The following KCNU1 variants were observed in gnomAD, a reference collection of about 807,000 sequenced individuals.
KCNU1 encodes the protein potassium channel subfamily U member 1.
Under a neutral mutation model 126.8 loss-of-function variants are expected in KCNU1, and 93 were observed. That is an observed-to-expected ratio of 0.73 (90% CI 0.62 to 0.87). The LOEUF is 0.87. Among genes scored for constraint, KCNU1 ranks in the 40% least tolerant of loss-of-function variants. The pLI, the probability that KCNU1 is intolerant of heterozygous loss-of-function variation, is 0.00. For synonymous variants in KCNU1, 523 were observed against 494.2 expected (o/e 1.06, Z -0.77); for missense variants, 1,330 against 1,367.1 (o/e 0.97, Z 0.43).
At position 36,905,792 on chromosome 8, in the gene KCNU1, C is replaced by G. The variant is rs200292779; in HGVS notation, c.2094C>G (p.Asp698Glu). ...MFHWCKPTSL[D>E]KVTLKRTGKS... is the part of the protein sequence containing the mutation. ...ACTGGTGCAAACCAACCTCTTTGGA[C>G]AAGGTGACTCTGGTAGGTGATCTTG... The change falls in exon 20 of 27, where the codon GAC becomes GAG. Residue 698 changes from aspartate to glutamate, a missense_variant. Asp to Glu is a conservative substitution (Grantham distance 45). Transcript: ENST00000399881. The G allele has an allele frequency of 1.0e-4, 158 of 1,536,660 alleles. No individual in the cohort carries two copies. Among genetic ancestry groups the G allele is most frequent in the Non-Finnish European group, 1.3e-4 (141 of 1,123,152 alleles).
At chr8:36,829,301 T>C (rs2130526285) in intron 10 of KCNU1, among the ~76,000 whole-genome samples, 1 of 152,128 alleles carries the variant, frequency 6.6e-6, no homozygotes, top group South Asian at 2.1e-4. Context: ...ATATTTTCTA[T>C]TATATTAAAG....
chr8:36,790,739 A>G (rs1198217145), intron 2 of KCNU1, among the ~76,000 whole-genome samples: 1 of 152,114 alleles, frequency 6.6e-6, no homozygotes, highest in Non-Finnish European at 1.5e-5. Context: ...GACTTGGATG[A>G]TTTCAAGGAC....
intron 2 of KCNU1, among the ~76,000 whole-genome samples, chr8:36,797,424 T>C (rs1413692298): frequency 6.6e-6 from 1 of 152,198 alleles, no homozygotes. Flanking sequence ...GCCCTATATT[T>C]CTCTGTGTAT....
intron 20 of KCNU1, 65 bp from the exon 21 acceptor site, chr8:36,909,246 G>T: frequency 1.1e-6 from 1 of 944,640 alleles, no homozygotes; most frequent in East Asian, 2.4e-5. Context: ...AGAAGAGGGG[G>T]CCTACTTGGA....
chr8:36,820,974 A>G (rs1037787873), intron 10 of KCNU1, among the ~76,000 whole-genome samples: 2 of 152,360 alleles, frequency 1.3e-5, no homozygotes, highest in South Asian at 2.1e-4. Context: ...AAAGCATGAC[A>G]TGAACCTGAA....
chr8:36,844,042 G>A (rs911347076), intron 16 of KCNU1, among the ~76,000 whole-genome samples: 14 of 152,082 alleles, frequency 9.2e-5, no homozygotes, highest in Non-Finnish European at 1.9e-4. Context: ...TTCATAGCTA[G>A]ATATTTAATA....
chr8:36,936,084 G>A lies in KCNU1; in HGVS notation c.*164G>A. ...GTTTTGGGTGAGACAAAAGTCTAATGCCACTGGATCTTGTGTGATAAATAA... is the reference window on the plus strand; with the variant it reads ...GTTTTGGGTGAGACAAAAGTCTAATACCACTGGATCTTGTGTGATAAATAA... On this transcript the variant is annotated 3_prime_UTR_variant, in exon 27 of 27. Coordinates refer to ENST00000399881, the MANE Select transcript of KCNU1 (RefSeq NM_001031836.3). 4 of 539,038 alleles carry A rather than the reference G, an allele frequency of 7.4e-6. No homozygotes were observed. In the South Asian group the frequency reaches 1.4e-4, roughly 19 times the overall value. 33.4% of individuals were successfully genotyped at this position (539,038 alleles called of 1,614,324 possible). A position where few individuals can be genotyped will look rare whatever the true frequency, so the allele number is the denominator to read the frequency against.
intron 22 of KCNU1, among the ~76,000 whole-genome samples, chr8:36,917,017 C>A (rs140277443): frequency 6.6e-6 from 1 of 152,144 alleles, no homozygotes; most frequent in African/African-American, 2.4e-5. Context: ...CCTTCCTGGT[C>A]TCCACCTCAG....
chr8:36,841,370 A>G (rs1289930464), intron 16 of KCNU1, among the ~76,000 whole-genome samples: 1 of 152,152 alleles, frequency 6.6e-6, no homozygotes, highest in African/African-American at 2.4e-5. Flanking sequence ...TTGTGATAAA[A>G]ATGTTCCCAC....
chr8:36,845,883 C>T lies in KCNU1; in HGVS notation c.1875C>T (p.Ser625=). The change falls in exon 18 of 27, where the codon AGC becomes AGT. Residue 625 remains serine, a synonymous_variant. Transcript: ENST00000399881. ...CAAACTGTGGCTGCAAAAGCAGAAG[C>T]CGGCAGCACATCACAGGTAATTGCA... ...LITNCGCKSR[S]RQHITVPSVK... is the part of the protein sequence containing the mutation. The T allele has an allele frequency of 6.3e-7, 1 of 1,595,322 alleles. No homozygotes were observed. Among genetic ancestry groups the T allele is most frequent in the East Asian group, 2.3e-5 (1 of 44,180 alleles).
chr8:36,823,502 A>C (rs1281270395), intron 10 of KCNU1, among the ~76,000 whole-genome samples: 3 of 152,130 alleles, frequency 2.0e-5, no homozygotes, highest in Admixed American at 2.0e-4. Flanking sequence ...TGTTTATATC[A>C]TTGCGGCAAA....
intron 2 of KCNU1, among the ~76,000 whole-genome samples, chr8:36,797,676 G>C (rs1803151727): frequency 6.6e-6 from 1 of 151,548 alleles, no homozygotes; most frequent in Admixed American, 6.6e-5. Flanking sequence ...ATTTGCCATG[G>C]GGAAGTGTGG....
At chr8:36,845,101 C>T (rs1805094798) in intron 16 of KCNU1, among the ~76,000 whole-genome samples, 1 of 152,296 alleles carries the variant, frequency 6.6e-6, no homozygotes, top group East Asian at 1.9e-4. Flanking sequence ...CGCACAACCT[C>T]AAAAACTGCA....
At chr8:36,921,334 G>A (rs563712025) in intron 23 of KCNU1, among the ~76,000 whole-genome samples, 11 of 152,112 alleles carry the variant, frequency 7.2e-5, no homozygotes, top group Non-Finnish European at 1.5e-4. Flanking sequence ...AAAACAGGCA[G>A]TAAGCATGCC....
chr8:36,833,533 G>A (rs768948120), intron 10 of KCNU1, 21 bp from the exon 11 acceptor site: 1 of 1,447,632 alleles, frequency 6.9e-7, no homozygotes, highest in East Asian at 2.3e-5. Context: ...CCTCATTGCT[G>A]CCACGTTCTT....
chr8:36,886,120 G>A (rs1055568100), intron 19 of KCNU1, among the ~76,000 whole-genome samples: 1 of 152,088 alleles, frequency 6.6e-6, no homozygotes, highest in East Asian at 1.9e-4. Flanking sequence ...GAGGTGCAAG[G>A]AACAGATTAT....
At position 36,913,625 on chromosome 8, in the gene KCNU1, G is replaced by A. The variant is rs1430483655; in HGVS notation, c.2521+2506G>A. ...ATTTTTTTTTTTTTTTTTTTGAGAC[G>A]GAGTCTTACTCTGTCACCCAGGCTG... On this transcript the variant is annotated intron_variant, in intron 22 of 26. Coordinates refer to ENST00000399881, the MANE Select transcript of KCNU1 (RefSeq NM_001031836.3). 4.8e-5 allele frequency among the ~76,000 whole-genome samples: 7 copies of A among 145,948 alleles called. No homozygotes were observed. The East Asian group carries it at 1.0e-3, about 21-fold the overall frequency.
intron 2 of KCNU1, among the ~76,000 whole-genome samples, chr8:36,789,622 T>G (rs993023893): frequency 5.9e-5 from 9 of 152,034 alleles, no homozygotes; most frequent in African/African-American, 2.2e-4. Flanking sequence ...GATACGAAAA[T>G]TACATACATA....
At position 36,835,331 on chromosome 8, in the gene KCNU1, CTCTTT is replaced by C. The variant is rs570261332; in HGVS notation, c.1295+480_1295+484del. 2.7e-3 allele frequency among the ~76,000 whole-genome samples: 400 copies of C among 150,742 alleles called. 1 individual carries two copies. Among genetic ancestry groups the C allele is most frequent in the African/African-American group, 8.8e-3 (361 of 41,046 alleles). On this transcript the variant is annotated intron_variant, in intron 12 of 26. Coordinates refer to ENST00000399881, the MANE Select transcript of KCNU1 (RefSeq NM_001031836.3). ...TTTTGTTTGACCATCAGTAAGTATT[CTCTTT>C]TCTTTTCTTTTCTTTTTTTTTTTTT...
Sources: allele counts gnomAD v4.1 joint callset (sites outside exome capture counted in the v4.1 genomes callset), GRCh38; gene constraint gnomAD v4.1.1; transcripts MANE v1.5; gene names NCBI Gene and HGNC (gene_info 2026-07-23, HGNC 2026-07-21).